The following CETP variants were observed in gnomAD, a reference collection of about 807,000 sequenced individuals.
CETP encodes BPI fold containing family F.
CETP carries 56 observed loss-of-function variants against 66.5 expected under a neutral mutation model. That is an observed-to-expected ratio of 0.84 (90% CI 0.68 to 1.05). The LOEUF (loss-of-function observed/expected upper bound fraction) is 1.05, where lower values mean the gene tolerates loss of function less well. CETP is among the 50% of genes least tolerant of loss of function. CETP has a pLI of 0.00. For missense variants in CETP, 612 were observed against 609.6 expected (o/e 1.00, Z -0.04); for synonymous variants, 251 against 245.7 (o/e 1.02, Z -0.20).
At chr16:56,979,567 G>T (rs1179519102) in intron 11 of CETP, among the ~76,000 whole-genome samples, 1 of 151,568 alleles carries the variant, frequency 6.6e-6, no homozygotes, top group African/African-American at 2.4e-5. Context: ...CTGGAGTGCA[G>T]TGGTGCAATC....
intron 11 of CETP, among the ~76,000 whole-genome samples, chr16:56,978,816 A>T (rs1343562809): frequency 5.3e-5 from 8 of 150,482 alleles, no homozygotes; most frequent in Admixed American, 5.3e-4. Flanking sequence ...TTTATTTATT[A>T]TTTATTTATT....
chr16:56,973,341 T>C lies in CETP; in HGVS notation c.761T>C (p.Ile254Thr). ...YLESHHKGHF[I>T]YKNVSEDLPL... ...CCTGGCTTCCTCCAGGGTCATTTCA[T>C]CTACAAGAATGTCTCAGAGGACCTC... The change falls in exon 9 of 16, where the codon ATC (isoleucine) becomes ACC (threonine). Residue 254 changes from isoleucine to threonine, a missense_variant. Coordinates refer to ENST00000200676, the MANE Select transcript of CETP (RefSeq NM_000078.3). 1 of 1,614,178 alleles carries C rather than the reference T, an allele frequency of 6.2e-7. No homozygotes were observed. The highest frequency in any genetic ancestry group is 8.5e-7 in the Non-Finnish European group (1 of 1,180,038).
intron 5 of CETP, 59 bp downstream of exon 5, chr16:56,970,060 A>G: frequency 6.6e-7 from 1 of 1,523,210 alleles, no homozygotes; most frequent in Non-Finnish European, 9.0e-7. Context: ...TAGTGTGTCC[A>G]CGGCTCCTTC....
At position 56,981,220 on chromosome 16, in the gene CETP, T is replaced by C. The variant is rs2056184954; in HGVS notation, c.1209T>C (p.Asp403=). ...SKKKLFLSLL[D]FQITPKTVSN... ...AAAAGCTCTTCTTAAGCCTCTTGGA[T>C]TTCCAGTATGTGCTGCAGAGAAGAG... Residue 403 remains aspartate (D), a synonymous_variant, in exon 12 of 16, where the codon GAT becomes GAC. Coordinates refer to ENST00000200676, the MANE Select transcript of CETP (RefSeq NM_000078.3). 6.2e-7 allele frequency: 1 copy of C among 1,611,382 alleles called. No homozygotes were observed. The highest frequency in any genetic ancestry group is 8.5e-7 in the Non-Finnish European group (1 of 1,177,584).
In CETP at chr16:56,973,365, T is replaced by C; in HGVS notation, c.785T>C (p.Leu262Pro). 1 of 1,614,002 alleles carries C rather than the reference T, an allele frequency of 6.2e-7. No homozygotes were observed. The highest frequency in any genetic ancestry group is 8.5e-7 in the Non-Finnish European group (1 of 1,179,988). ...HFIYKNVSED[L>P]PLPTFSPTLL... ...ATCTACAAGAATGTCTCAGAGGACC[T>C]CCCCCTCCCCACCTTCTCGCCCACA... is the stretch of plus-strand genomic sequence containing the variant. Residue 262 changes from leucine (L) to proline (P), a missense_variant, in exon 9 of 16, where the codon CTC becomes CCC. Leu to Pro is a moderately conservative substitution (Grantham distance 98). Transcript: ENST00000200676.
intron 7 of CETP, 64 bp downstream of exon 7, chr16:56,971,445 C>T (rs945154825): frequency 5.7e-5 from 80 of 1,403,560 alleles, no homozygotes; most frequent in Middle Eastern, 1.8e-4. Flanking sequence ...CCACCTGCTG[C>T]ACTATGTGGC....
chr16:56,967,512 G>A (rs2141995163), intron 2 of CETP, among the ~76,000 whole-genome samples: 1 of 152,072 alleles, frequency 6.6e-6, no homozygotes, highest in African/African-American at 2.4e-5. Flanking sequence ...AAAATTAGCT[G>A]GATGTCGTGG....
At chr16:56,969,786 G>A in intron 4 of CETP, 105 bp downstream of exon 4, 2 of 1,547,864 alleles carry the variant, frequency 1.3e-6, no homozygotes, top group Non-Finnish European at 1.8e-6. Flanking sequence ...CACCAAAGGA[G>A]GCCCAGCCTG....
intron 10 of CETP, among the ~76,000 whole-genome samples, chr16:56,976,924 T>C (rs1210747337): frequency 6.6e-6 from 1 of 152,156 alleles, no homozygotes; most frequent in East Asian, 1.9e-4. Context: ...TTATTTATTT[T>C]TGAGACAGAG....
chr16:56,981,154 C>T lies in CETP; in HGVS notation c.1147-4C>T. ...CTCACAGCAAATTTGGTTTCTCTCC[C>T]CAGGATATCGTGACTACCGTCCAGG... is the stretch of plus-strand genomic sequence containing the variant. On this transcript the variant is annotated splice_region_variant and splice_polypyrimidine_tract_variant and intron_variant, in intron 11 of 15. Coordinates refer to ENST00000200676, the MANE Select transcript of CETP (RefSeq NM_000078.3). 9 of 1,612,546 alleles carry T rather than the reference C, an allele frequency of 5.6e-6. No individual in the cohort carries two copies. The highest frequency in any genetic ancestry group is 6.8e-6 in the Non-Finnish European group (8 of 1,178,638).
chr16:56,963,071 C>T lies in CETP; in HGVS notation c.180C>T (p.Ile60=). 6.2e-7 allele frequency: 1 copy of T among 1,614,184 alleles called. No homozygotes were observed. The highest frequency in any genetic ancestry group is 8.5e-7 in the Non-Finnish European group (1 of 1,180,010). The stretch of plus-strand genomic sequence containing the variant: ...TCCAGCGAGCCAGCTACCCAGATAT[C>T]ACGGGCGAGAAGGCCATGATGCTCC... ...TAFQRASYPD[I]TGEKAMMLLG... The change falls in exon 2 of 16, where the codon ATC becomes ATT. Residue 60 remains isoleucine (I), a synonymous_variant. Transcript: ENST00000200676.
chr16:56,973,971 G>C (rs184434746), intron 9 of CETP, among the ~76,000 whole-genome samples: 10 of 152,284 alleles, frequency 6.6e-5, no homozygotes, highest in African/African-American at 2.4e-4. Flanking sequence ...TTTTTACAAT[G>C]CTCTTTCATG....
rs2056189248 is a variant in CETP at position 56,981,655 on chromosome 16, C to T, written c.1223C>T (p.Pro408Leu). Residue 408 changes from proline to leucine, a missense_variant, in exon 13 of 16, where the codon CCA becomes CTA. Transcript: ENST00000200676. ...TCGCTTTTTTATTTCAGGATTACAC[C>T]AAAGACTGTTTCCAACTTGACTGAG... is the stretch of plus-strand genomic sequence containing the variant. ...FLSLLDFQITPKTVSNLTESS... is the reference protein window; with the variant it reads ...FLSLLDFQITLKTVSNLTESS... 1 of 1,613,912 alleles carries T rather than the reference C, an allele frequency of 6.2e-7. No individual in the cohort carries two copies.
intron 5 of CETP, 57 bp from the exon 6 acceptor site, chr16:56,970,976 C>T (rs1030375504): frequency 5.3e-6 from 8 of 1,520,966 alleles, no homozygotes; most frequent in Middle Eastern, 1.7e-4. Context: ...ACACACTAGG[C>T]GCTCCATGGA....
intron 2 of CETP, among the ~76,000 whole-genome samples, 180 bp from the exon 3 acceptor site, chr16:56,969,206 T>C (rs2056089673): frequency 6.6e-6 from 1 of 151,872 alleles, no homozygotes; most frequent in Non-Finnish European, 1.5e-5. Context: ...GTAACACGAG[T>C]TGAGTGTGGT....
chr16:56,962,130 G>T (rs368028559), intron 1 of CETP, 33 bp downstream of exon 1: 3 of 1,577,070 alleles, frequency 1.9e-6, no homozygotes, highest in Non-Finnish European at 2.6e-6. Flanking sequence ...GCCCTGCCAG[G>T]GGTCTTTTCA....
Position 56,975,153 on chromosome 16 carries a change from T to C in CETP, c.981+2T>C, listed in dbSNP as rs2142001776. On this transcript the variant is annotated splice_donor_variant, in intron 10 of 15. Transcript: ENST00000200676. LOFTEE classifies it high-confidence loss of function. The stretch of plus-strand genomic sequence containing the variant: ...ACCAACCAGGAAATCTTCCAAGAGG[T>C]AACTGCCCCCTGCCCCTGTGTGGGG... 5 of 1,613,968 alleles carry C rather than the reference T, an allele frequency of 3.1e-6. No homozygotes were observed. The South Asian group carries it at 5.5e-5, about 18-fold the overall frequency.
Position 56,963,077 on chromosome 16 carries a change from C to T in CETP, c.186C>T (p.Gly62=), listed in dbSNP as rs376596539. The change falls in exon 2 of 16, where the codon GGC becomes GGT. Residue 62 remains glycine, a synonymous_variant. Coordinates refer to ENST00000200676, the MANE Select transcript of CETP (RefSeq NM_000078.3). Reference sequence around the variant, plus strand: ...GAGCCAGCTACCCAGATATCACGGGCGAGAAGGCCATGATGCTCCTTGGCC... The same window carrying T: ...GAGCCAGCTACCCAGATATCACGGGTGAGAAGGCCATGATGCTCCTTGGCC... ...FQRASYPDIT[G]EKAMMLLGQV... The T allele has an allele frequency of 1.4e-5, 22 of 1,613,992 alleles. No homozygotes were observed. The highest frequency in any genetic ancestry group is 3.3e-5 in the Admixed American group (2 of 60,004).
At chr16:56,975,970 C>G (rs12720937) in intron 10 of CETP, among the ~76,000 whole-genome samples, 2,787 of 152,278 alleles carry the variant, frequency 0.018, 84 homozygotes, top group African/African-American at 0.065. Context: ...GAGGACGGTC[C>G]CTCTTCCCTT....
Sources: allele counts gnomAD v4.1 joint callset (sites outside exome capture counted in the v4.1 genomes callset), GRCh38; gene constraint gnomAD v4.1.1; transcripts MANE v1.5; gene names NCBI Gene and HGNC (gene_info 2026-07-23, HGNC 2026-07-21).